Variants in COMMD1 observed in about 807,000 individuals in gnomAD.
COMMD1 encodes the protein COMM domain-containing protein 1.
In COMMD1, 10 loss-of-function variants were observed where a neutral mutation model predicts 17.2. The ratio of observed to expected loss-of-function variants is 0.58; its 90% CI spans 0.36 to 0.99. COMMD1 has a LOEUF of 0.99. COMMD1 is among the 50% of genes least tolerant of loss of function. COMMD1 has a pLI of 0.01. For synonymous variants in COMMD1, 97 were observed against 91.6 expected (o/e 1.06, Z -0.34); for missense variants, 270 against 231.8 (o/e 1.17, Z -1.07).
chr2:62,037,372 A>G (rs1053646930), intron 2 of COMMD1, among the ~76,000 whole-genome samples: 13 of 152,224 alleles, frequency 8.5e-5, no homozygotes, highest in Non-Finnish European at 7.3e-5. Context: ...GCTCCTTCCC[A>G]TTCTGTCACA....
chr2:62,083,479 T>G (rs1246551932), intron 2 of COMMD1, among the ~76,000 whole-genome samples: 1 of 152,240 alleles, frequency 6.6e-6, no homozygotes, highest in Non-Finnish European at 1.5e-5. Flanking sequence ...GCCACGCACT[T>G]CTGATCTAGA....
At chr2:62,017,977 A>C (rs1424528552) in intron 2 of COMMD1, among the ~76,000 whole-genome samples, 1 of 151,376 alleles carries the variant, frequency 6.6e-6, no homozygotes, top group Non-Finnish European at 1.5e-5. Flanking sequence ...CTGGGAGGGG[A>C]GATTGAGGCT....
At chr2:62,024,767 A>G (rs1160682863) in intron 2 of COMMD1, among the ~76,000 whole-genome samples, 1 of 152,188 alleles carries the variant, frequency 6.6e-6, no homozygotes, top group Non-Finnish European at 1.5e-5. Context: ...AATTTATCTG[A>G]TGCCATCGGA....
Position 62,121,371 on chromosome 2 carries a change from CAAAAAAAAAA to C in COMMD1, c.463-14443_463-14434del, listed in dbSNP as rs55789110. Among the ~76,000 whole-genome samples, 8 of 47,204 alleles carry C rather than the reference CAAAAAAAAAA, an allele frequency of 1.7e-4. No homozygotes were observed. In the East Asian group the frequency reaches 1.9e-3, roughly 11 times the overall value. The allele number at this position is 47,204 out of a possible 152,430, so 31.0% of individuals were successfully genotyped here. A position where few individuals can be genotyped will look rare whatever the true frequency, so the allele number is the denominator to read the frequency against. On this transcript the variant is annotated intron_variant, in intron 2 of 2. Coordinates refer to ENST00000311832, the MANE Select transcript of COMMD1 (RefSeq NM_152516.4). ...GGCAACAGAGTGAGAGACTCTTTCT[CAAAAAAAAAA>C]AAAAAAAAAAAAAAAATTCCTGCCT... is the stretch of plus-strand genomic sequence containing the variant.
At chr2:62,129,558 A>G (rs967400792) in intron 2 of COMMD1, among the ~76,000 whole-genome samples, 4 of 152,200 alleles carry the variant, frequency 2.6e-5, no homozygotes, top group African/African-American at 7.2e-5. Flanking sequence ...AGCCACAGAA[A>G]GTGTGGGAAT....
intron 1 of COMMD1, among the ~76,000 whole-genome samples, chr2:61,946,948 G>A (rs563358329): frequency 7.9e-5 from 12 of 152,042 alleles, no homozygotes; most frequent in Non-Finnish European, 1.8e-4. Flanking sequence ...TAGTAGTTTT[G>A]TTTACGTATA....
intron 2 of COMMD1, 69 bp downstream of exon 2, chr2:62,001,051 A>G: frequency 7.0e-7 from 1 of 1,429,046 alleles, no homozygotes; most frequent in South Asian, 1.2e-5. Flanking sequence ...TTGTCTATTC[A>G]GCTTGATTTT....
intron 2 of COMMD1, among the ~76,000 whole-genome samples, chr2:62,115,659 G>A (rs990075257): frequency 6.6e-6 from 1 of 152,182 alleles, no homozygotes; most frequent in East Asian, 1.9e-4. Context: ...ATGTGAGTTA[G>A]GAAATATACA....
intron 2 of COMMD1, among the ~76,000 whole-genome samples, chr2:62,023,797 T>C (rs538864209): frequency 1.3e-5 from 2 of 152,252 alleles, no homozygotes; most frequent in African/African-American, 4.8e-5. Flanking sequence ...TTGTGGAATT[T>C]ATGTGGTAGA....
At chr2:62,016,712 A>G (rs1039349586) in intron 2 of COMMD1, among the ~76,000 whole-genome samples, 1 of 151,938 alleles carries the variant, frequency 6.6e-6, no homozygotes, top group African/African-American at 2.4e-5. Context: ...TAAAAGTTTT[A>G]AATTTTGATG....
intron 1 of COMMD1, among the ~76,000 whole-genome samples, chr2:61,918,095 T>C (rs1670095617): frequency 6.6e-6 from 1 of 152,204 alleles, no homozygotes; most frequent in South Asian, 2.1e-4. Context: ...AGCAACATCA[T>C]GTTGAAATGT....
chr2:61,963,764 G>A (rs1671432551), intron 1 of COMMD1, among the ~76,000 whole-genome samples: 1 of 152,176 alleles, frequency 6.6e-6, no homozygotes, highest in South Asian at 2.1e-4. Flanking sequence ...CCTAAGTCTT[G>A]GTAGTTTGTA....
chr2:61,911,968 T>A (rs1341685297), intron 1 of COMMD1, among the ~76,000 whole-genome samples: 2 of 152,226 alleles, frequency 1.3e-5, no homozygotes, highest in Non-Finnish European at 2.9e-5. Context: ...GGCTTGTTCA[T>A]TTGTTTAATT....
intron 2 of COMMD1, among the ~76,000 whole-genome samples, chr2:62,031,511 T>A (rs1669907076): frequency 6.6e-6 from 1 of 152,228 alleles, no homozygotes; most frequent in Admixed American, 6.5e-5. Flanking sequence ...TGTTTCTAAC[T>A]GTGCTTCACC....
chr2:61,970,328 A>G (rs1671615600), intron 1 of COMMD1, among the ~76,000 whole-genome samples: 1 of 152,046 alleles, frequency 6.6e-6, no homozygotes, highest in Non-Finnish European at 1.5e-5. Context: ...GCATTTTAAA[A>G]AATTATTAAA....
intron 2 of COMMD1, among the ~76,000 whole-genome samples, chr2:62,132,362 T>C (rs1236739503): frequency 6.6e-6 from 1 of 152,240 alleles, no homozygotes; most frequent in Non-Finnish European, 1.5e-5. Context: ...CAGTTGCTCC[T>C]ATCTCTATGA....
chr2:62,038,636 C>T (rs1394308973), intron 2 of COMMD1, among the ~76,000 whole-genome samples: 1 of 152,074 alleles, frequency 6.6e-6, no homozygotes, highest in East Asian at 1.9e-4. Context: ...CAACCTCAGC[C>T]TCCTGGATTC....
chr2:62,060,618 C>T (rs894559216), intron 2 of COMMD1, among the ~76,000 whole-genome samples: 4 of 151,838 alleles, frequency 2.6e-5, no homozygotes, highest in African/African-American at 9.7e-5. Context: ...GTTTTGTTTC[C>T]TATTAGTTTG....
intron 2 of COMMD1, among the ~76,000 whole-genome samples, chr2:62,009,496 T>G (rs1669220183): frequency 6.6e-6 from 1 of 151,700 alleles, no homozygotes; most frequent in African/African-American, 2.4e-5. Flanking sequence ...TCCCAACTAC[T>G]TGGGAGGCTG....
Sources: gnomAD v4.1 joint callset for allele counts (sites outside exome capture counted in the v4.1 genomes callset) on GRCh38, gnomAD v4.1.1 for gene constraint, MANE v1.5 for transcripts, NCBI Gene and HGNC (gene_info 2026-07-23, HGNC 2026-07-21) for gene names.